RHOH: variants seen among roughly 807,000 people sequenced by gnomAD.
RHOH encodes the protein ras homolog family member H.
RHOH carries 6 observed loss-of-function variants against 13.8 expected under a neutral mutation model. The ratio of observed to expected loss-of-function variants is 0.44; its 90% CI spans 0.24 to 0.86. RHOH has a LOEUF of 0.86. Ranked by LOEUF, RHOH falls within the 40% of genes least tolerant of loss-of-function variation. RHOH has a pLI of 0.24. For synonymous variants in RHOH, 117 were observed against 103.0 expected (o/e 1.14, Z -0.82); for missense variants, 147 against 244.5 (o/e 0.60, Z 2.66).
chr4:40,241,511 CAT>C (rs1230640908), intron 1 of RHOH, among the ~76,000 whole-genome samples: 12 of 152,162 alleles, frequency 7.9e-5, no homozygotes, highest in African/African-American at 2.7e-4. Context: ...GAATATGTAT[CAT>C]GTGAATTATT....
At chr4:40,221,783 C>A (rs1295679375) in intron 1 of RHOH, among the ~76,000 whole-genome samples, 1 of 152,114 alleles carries the variant, frequency 6.6e-6, no homozygotes, top group East Asian at 1.9e-4. Flanking sequence ...CACTTTAAAT[C>A]AAAAGCTAGA....
intron 1 of RHOH, among the ~76,000 whole-genome samples, chr4:40,220,868 T>A (rs1045913448): frequency 6.6e-6 from 1 of 152,224 alleles, no homozygotes; most frequent in Non-Finnish European, 1.5e-5. Flanking sequence ...TCATTATATA[T>A]TTGTTTTGCT....
intron 1 of RHOH, among the ~76,000 whole-genome samples, chr4:40,219,367 G>A (rs1483011558): frequency 2.1e-5 from 3 of 144,050 alleles, no homozygotes; most frequent in Admixed American, 7.2e-5. Flanking sequence ...AGCCGAGATC[G>A]CACCACTGCA....
intron 1 of RHOH, among the ~76,000 whole-genome samples, chr4:40,201,905 A>G (rs1724037326): frequency 6.6e-6 from 1 of 151,792 alleles, no homozygotes; most frequent in African/African-American, 2.4e-5. Flanking sequence ...AATACCCTGA[A>G]CACTAAGCAA....
intron 1 of RHOH, among the ~76,000 whole-genome samples, chr4:40,201,107 G>C (rs2109357397): frequency 6.6e-6 from 1 of 152,300 alleles, no homozygotes; most frequent in African/African-American, 2.4e-5. Context: ...ACTACGTATA[G>C]TCATCCATTC....
upstream of RHOH, among the ~76,000 whole-genome samples, chr4:40,193,405 C>A (rs1170669012): frequency 1.4e-5 from 2 of 148,034 alleles, no homozygotes; most frequent in African/African-American, 2.5e-5. Context: ...TGAATGTTTG[C>A]ATGTATTTTC....
intron 1 of RHOH, among the ~76,000 whole-genome samples, chr4:40,215,303 A>G (rs1161704615): frequency 6.6e-6 from 1 of 152,184 alleles, no homozygotes. Flanking sequence ...TTAGGTAGTA[A>G]TGCATGCCTT....
rs188030818 is a variant in RHOH, at chr4:40,201,452, A to T, written c.-331+4152A>T. Among the ~76,000 whole-genome samples, 232 of 152,036 alleles carry T rather than the reference A, an allele frequency of 1.5e-3. 1 individual carries two copies. The highest frequency in any genetic ancestry group is 5.5e-3 in the African/African-American group (227 of 41,456). ...AGAACCGGCTTGCTCTCAAGTGCTGATTGTAATATTTTCAGAAATTTTCCA... is the reference window on the plus strand; with the variant it reads ...AGAACCGGCTTGCTCTCAAGTGCTGTTTGTAATATTTTCAGAAATTTTCCA... On this transcript the variant is annotated intron_variant, in intron 1 of 2. Transcript: ENST00000381799.
intron 1 of RHOH, among the ~76,000 whole-genome samples, chr4:40,199,557 C>T (rs1410162263): frequency 1.3e-5 from 2 of 152,224 alleles, no homozygotes; most frequent in African/African-American, 2.4e-5. Context: ...GAGAGGTCCT[C>T]TCAGTATCCG....
At chr4:40,228,629 A>G (rs981890484) in intron 1 of RHOH, among the ~76,000 whole-genome samples, 4 of 152,100 alleles carry the variant, frequency 2.6e-5, no homozygotes, top group African/African-American at 7.2e-5. Context: ...TACAGCTGGG[A>G]AGTATCTTGA....
chr4:40,193,419 G>A (rs530986838), upstream of RHOH, among the ~76,000 whole-genome samples: 28 of 139,868 alleles, frequency 2.0e-4, no homozygotes, highest in African/African-American at 6.9e-4. Flanking sequence ...TATTTTCAGC[G>A]TTTGCTTCCT....
chr4:40,198,018 C>T (rs1395849183), intron 1 of RHOH, among the ~76,000 whole-genome samples: 2 of 152,068 alleles, frequency 1.3e-5, no homozygotes, highest in Non-Finnish European at 2.9e-5. Context: ...AAGCTGGTGC[C>T]GTGGAGGATA....
At chr4:40,194,637 A>G (rs553971323), upstream of RHOH, among the ~76,000 whole-genome samples, 1 of 152,120 alleles carries the variant, frequency 6.6e-6, no homozygotes, top group East Asian at 1.9e-4. Flanking sequence ...CGGCCTCCCA[A>G]AGTGTGGGGA....
At chr4:40,196,692 CT>C (rs397768063), upstream of RHOH, among the ~76,000 whole-genome samples, 1,262 of 117,642 alleles carry the variant, frequency 0.011, 19 homozygotes, top group African/African-American at 0.037. Flanking sequence ...GTGGCATGGA[CT>C]TTTTTTTTTT....
chr4:40,230,601 C>G (rs7439808), intron 1 of RHOH, among the ~76,000 whole-genome samples: 7,286 of 151,362 alleles, frequency 0.048, 235 homozygotes, highest in African/African-American at 0.086. Flanking sequence ...AAAAGTGATC[C>G]ACCCCCCTTA....
upstream of RHOH, among the ~76,000 whole-genome samples, chr4:40,194,137 T>C (rs78482209): frequency 0.02 from 3,070 of 152,346 alleles, 56 homozygotes; most frequent in Middle Eastern, 0.044. Context: ...TTGAACTCTT[T>C]GCCTCTTTAA....
upstream of RHOH, chr4:40,192,939 G>A (rs561783171): frequency 3.0e-4 from 46 of 152,406 alleles, no homozygotes; most frequent in African/African-American, 1.1e-3. Flanking sequence ...TGAAGTCTCT[G>A]TTTCCTTGGC....
intron 1 of RHOH, among the ~76,000 whole-genome samples, chr4:40,225,767 T>G (rs1727150232): frequency 6.6e-6 from 1 of 152,124 alleles, no homozygotes; most frequent in Non-Finnish European, 1.5e-5. Flanking sequence ...TTAGGATTGC[T>G]CAGTTTCATC....
intron 1 of RHOH, among the ~76,000 whole-genome samples, chr4:40,241,992 T>C (rs1233592844): frequency 1.3e-5 from 2 of 152,268 alleles, no homozygotes; most frequent in Non-Finnish European, 2.9e-5. Context: ...GTTTGCTTTG[T>C]ATTGCCCTGC....
Sources: allele counts gnomAD v4.1 joint callset (sites outside exome capture counted in the v4.1 genomes callset), GRCh38; gene constraint gnomAD v4.1.1; transcripts MANE v1.5; gene names NCBI Gene and HGNC (gene_info 2026-07-23, HGNC 2026-07-21).